The following PTPRN2 variants were observed in gnomAD, a reference collection of about 807,000 sequenced individuals.
PTPRN2 encodes the protein receptor-type tyrosine-protein phosphatase N2.
PTPRN2 carries 74 observed loss-of-function variants against 118.8 expected under a neutral mutation model. The observed-to-expected ratio is 0.62, with a 90% CI of 0.52 to 0.76. The LOEUF is 0.76. PTPRN2 is among the 30% of genes least tolerant of loss of function. The pLI is 0.00. For synonymous variants in PTPRN2, 641 were observed against 608.0 expected, an observed-to-expected ratio of 1.05 and a Z score of -0.80; for missense variants, 1,481 against 1,394.4, an observed-to-expected ratio of 1.06 and a Z score of -0.99.
chr7:157,825,170 G>A (rs746601452), intron 12 of PTPRN2, among the ~76,000 whole-genome samples: 8 of 152,172 alleles, frequency 5.3e-5, no homozygotes, highest in Admixed American at 1.3e-4. Context: ...CATGCGACTC[G>A]GTTCTGGCCA....
intron 12 of PTPRN2, among the ~76,000 whole-genome samples, chr7:157,684,260 G>A (rs1210056883): frequency 6.6e-6 from 1 of 151,942 alleles, no homozygotes; most frequent in Non-Finnish European, 1.5e-5. Context: ...GAGAAAAGAC[G>A]CCCGGATTTT....
intron 3 of PTPRN2, among the ~76,000 whole-genome samples, chr7:158,221,846 T>A (rs1462002634): frequency 1.3e-5 from 2 of 151,986 alleles, no homozygotes; most frequent in African/African-American, 4.8e-5. Flanking sequence ...AGAAATTTAA[T>A]ATCCAGAATC....
rs560639812 is a variant in PTPRN2 at position 158,248,521 on chromosome 7, C to T, written c.278-43248G>A. Among the ~76,000 whole-genome samples the T allele has an allele frequency of 3.9e-4, 56 of 143,620 alleles. 1 individual carries two copies. The highest frequency in any genetic ancestry group is 1.3e-3 in the Admixed American group (18 of 14,276). The allele number at this position is 143,620 out of a possible 152,430, so 94.2% of individuals were successfully genotyped here. On this transcript the variant is annotated intron_variant, in intron 3 of 22. Transcript: ENST00000389418. ...GTGTAGGACTGAACAAAACAAAACACTCCCACACACACCCCATGCACACAT... is the reference window on the plus strand; with the variant it reads ...GTGTAGGACTGAACAAAACAAAACATTCCCACACACACCCCATGCACACAT...
chr7:157,845,805 G>T lies in PTPRN2; in HGVS notation c.1788+52868C>A, dbSNP rs568224549. Among the ~76,000 whole-genome samples, 1 of 152,294 alleles carries T rather than the reference G, an allele frequency of 6.6e-6. No individual in the cohort carries two copies. Among genetic ancestry groups the T allele is most frequent in the Admixed American group, 6.5e-5 (1 of 15,302 alleles). ...CATGGGCAGAGGAAGGACAAGCAAC[G>T]TGGGGCCATGGGGAGGGACGGAAGA... is the stretch of plus-strand genomic sequence containing the variant. On this transcript the variant is annotated intron_variant, in intron 12 of 22. Coordinates refer to ENST00000389418, the MANE Select transcript of PTPRN2 (RefSeq NM_002847.5). This position sits in a 1 kb window ranked among gnomAD's most constrained non-coding sequence, Gnocchi z 4.5.
chr7:157,742,604 C>T (rs545714547), intron 12 of PTPRN2, among the ~76,000 whole-genome samples: 5 of 152,068 alleles, frequency 3.3e-5, no homozygotes, highest in African/African-American at 1.2e-4. Flanking sequence ...GTGTACCCCA[C>T]GAGGGTGAGA....
intron 2 of PTPRN2, among the ~76,000 whole-genome samples, chr7:158,476,070 G>A (rs1820234681): frequency 6.6e-6 from 1 of 152,144 alleles, no homozygotes; most frequent in African/African-American, 2.4e-5. Context: ...GGAGTGCAAA[G>A]GCTTAATCAC....
chr7:158,423,734 C>G (rs1372038571), intron 2 of PTPRN2, among the ~76,000 whole-genome samples: 1 of 131,134 alleles, frequency 7.6e-6, no homozygotes, highest in East Asian at 3.0e-4. Flanking sequence ...TGGTCTCAAA[C>G]TCCTGACCTC....
At chr7:158,412,735 C>G (rs1297781518) in intron 2 of PTPRN2, among the ~76,000 whole-genome samples, 4 of 136,604 alleles carry the variant, frequency 2.9e-5, no homozygotes, top group Non-Finnish European at 6.3e-5. Context: ...GCGCCCTCCT[C>G]AGCACCAGGG....
At chr7:158,434,923 T>TA (rs1316986071) in intron 2 of PTPRN2, among the ~76,000 whole-genome samples, 1 of 152,182 alleles carries the variant, frequency 6.6e-6, no homozygotes, top group Non-Finnish European at 1.5e-5. Context: ...ATTGGACCGT[T>TA]ACCTTATACC....
At chr7:157,834,040 A>ACT (rs1294224868) in intron 12 of PTPRN2, among the ~76,000 whole-genome samples, 1 of 152,244 alleles carries the variant, frequency 6.6e-6, no homozygotes, top group Non-Finnish European at 1.5e-5. Flanking sequence ...TCTCTGTAGT[A>ACT]CTTTCTATCC....
intron 13 of PTPRN2, among the ~76,000 whole-genome samples, chr7:157,667,159 T>C (rs772262470): frequency 1.1e-5 from 1 of 89,482 alleles, no homozygotes; most frequent in Admixed American, 1.2e-4. Flanking sequence ...ACGCTCAGCC[T>C]GTGGGACACT....
At position 157,964,019 on chromosome 7, in the gene PTPRN2, T is replaced by C. The variant is rs1801725802; in HGVS notation, c.1724-65282A>G. On this transcript the variant is annotated intron_variant, in intron 11 of 22. Transcript: ENST00000389418. The surrounding 1 kb of genome is among the most constrained non-coding windows in gnomAD (Gnocchi z 9.0). ...CCTAATTACATGTTATTTGCCCTGT[T>C]CAAGTTCAAGCAGTATTTTTTTTAA... is the stretch of plus-strand genomic sequence containing the variant. Among the ~76,000 whole-genome samples, 1 of 152,200 alleles carries C rather than the reference T, an allele frequency of 6.6e-6. No individual in the cohort carries two copies. Among genetic ancestry groups the C allele is most frequent in the Non-Finnish European group, 1.5e-5 (1 of 68,032 alleles).
At chr7:158,457,735 A>ATTT in intron 2 of PTPRN2, among the ~76,000 whole-genome samples, 2 of 141,694 alleles carry the variant, frequency 1.4e-5, no homozygotes, top group African/African-American at 5.6e-5. Flanking sequence ...CAAGTTCATT[A>ATTT]GCAAAGGTGC....
At chr7:157,824,591 C>A (rs763580217) in intron 12 of PTPRN2, among the ~76,000 whole-genome samples, 2 of 152,182 alleles carry the variant, frequency 1.3e-5, no homozygotes, top group Non-Finnish European at 2.9e-5. Flanking sequence ...GGCAACTGAG[C>A]CTCCCGCAAA....
At chr7:158,573,513 C>T (rs761599787) in intron 1 of PTPRN2, among the ~76,000 whole-genome samples, 5 of 152,056 alleles carry the variant, frequency 3.3e-5, no homozygotes, top group Non-Finnish European at 5.9e-5. Context: ...CAGTGCTCAC[C>T]ACAGCTTCAT....
intron 2 of PTPRN2, among the ~76,000 whole-genome samples, chr7:158,457,351 A>G (rs1818590164): frequency 6.6e-6 from 1 of 152,178 alleles, no homozygotes. Flanking sequence ...CTCGGGTGCA[A>G]TGTCTCTGGA....
At chr7:158,138,175 C>T (rs1585574855) in intron 7 of PTPRN2, 119 bp downstream of exon 7, 1 of 842,550 alleles carries the variant, frequency 1.2e-6, no homozygotes, top group Non-Finnish European at 1.8e-6. Flanking sequence ...AATACAGATC[C>T]CCATCTCCCC....
chr7:158,271,080 G>T (rs556277631), intron 3 of PTPRN2, among the ~76,000 whole-genome samples: 84 of 42,100 alleles, frequency 2.0e-3, no homozygotes, highest in African/African-American at 8.0e-3. Context: ...CCACCTGGAC[G>T]ACCCCCTCCA....
intron 3 of PTPRN2, among the ~76,000 whole-genome samples, chr7:158,270,816 C>CGCCCCCCCCACTTGGACG (rs1798329303): frequency 7.6e-5 from 1 of 13,234 alleles, no homozygotes; most frequent in Non-Finnish European, 1.6e-4. Context: ...TCACCTGGAC[C>CGCCCCCCCCACTTGGACG]GCCCCCTCCA....
Sources: gnomAD v4.1 joint callset for allele counts (sites outside exome capture counted in the v4.1 genomes callset) on GRCh38, gnomAD v4.1.1 for gene constraint, Gnocchi (gnomAD v3.1) non-coding constraint, MANE v1.5 for transcripts, NCBI Gene and HGNC (gene_info 2026-07-23, HGNC 2026-07-21) for gene names.